The following SORCS1 variants were observed in gnomAD, a reference collection of about 807,000 sequenced individuals.
The protein encoded by SORCS1 is VPS10 domain-containing receptor SorCS1.
Under a neutral mutation model 146.1 loss-of-function variants are expected in SORCS1, and 60 were observed. The observed-to-expected ratio is 0.41, with a 90% confidence interval of 0.33 to 0.51. SORCS1 has a LOEUF of 0.51. Among genes scored for constraint, SORCS1 ranks in the 20% least tolerant of loss-of-function variants. The pLI, the probability that SORCS1 is intolerant of heterozygous loss-of-function variation, is 0.21. For synonymous variants in SORCS1, 637 were observed against 584.0 expected (o/e 1.09, Z -1.31); for missense variants, 1,352 against 1,487.6 (o/e 0.91, Z 1.50).
chr10:106,573,675 C>T lies in SORCS1; in HGVS notation c.*3745G>A, dbSNP rs1030490395. ...AACCAGTTTGGACTAATTTTTAAAT[C>T]AAAGTAATTTAATAAACAGACATTG... On this transcript the variant is annotated 3_prime_UTR_variant, in exon 26 of 26. Coordinates refer to ENST00000263054, the MANE Select transcript of SORCS1 (RefSeq NM_052918.5). 1 of 152,136 alleles carries T rather than the reference C, an allele frequency of 6.6e-6. No individual in the cohort carries two copies. The highest frequency in any genetic ancestry group is 2.4e-5 in the African/African-American group (1 of 41,436). The allele number at this position is 152,136 out of a possible 1,614,324, so 9.4% of individuals were successfully genotyped here. A position where few individuals can be genotyped will look rare whatever the true frequency, so the allele number is the denominator to read the frequency against.
chr10:106,643,506 TC>T (rs1324248530), intron 18 of SORCS1, among the ~76,000 whole-genome samples: 1 of 152,220 alleles, frequency 6.6e-6, no homozygotes, highest in African/African-American at 2.4e-5. Context: ...ACATGTGAGG[TC>T]CTCAGGGCCT....
At chr10:107,054,767 G>A (rs1047115372) in intron 1 of SORCS1, among the ~76,000 whole-genome samples, 12 of 152,192 alleles carry the variant, frequency 7.9e-5, no homozygotes, top group African/African-American at 2.9e-4. Flanking sequence ...AGTTGTCTAA[G>A]TTGTTAAATT....
intron 21 of SORCS1, among the ~76,000 whole-genome samples, chr10:106,612,414 G>A (rs1022149767): frequency 3.3e-5 from 4 of 120,268 alleles, no homozygotes; most frequent in Admixed American, 1.0e-4. Context: ...CCCCCGCAGC[G>A]TGACCGATAC....
chr10:106,671,123 A>C, intron 16 of SORCS1, 114 bp downstream of exon 16: 1 of 1,400,146 alleles, frequency 7.1e-7, no homozygotes, highest in Non-Finnish European at 9.8e-7. Context: ...TAAGAATATG[A>C]AGCTGGCCAC....
At chr10:107,020,119 T>G (rs574365867) in intron 1 of SORCS1, among the ~76,000 whole-genome samples, 1 of 152,340 alleles carries the variant, frequency 6.6e-6, no homozygotes, top group African/African-American at 2.4e-5. Context: ...TTACCTCAAA[T>G]TATCCAAGTC....
chr10:106,682,389 G>C (rs1034328241), intron 10 of SORCS1, among the ~76,000 whole-genome samples: 1 of 152,058 alleles, frequency 6.6e-6, no homozygotes, highest in African/African-American at 2.4e-5. Flanking sequence ...CTGGTATAAG[G>C]AAAATATTCT....
chr10:107,125,418 C>T (rs928546946), intron 1 of SORCS1, among the ~76,000 whole-genome samples: 1 of 152,188 alleles, frequency 6.6e-6, no homozygotes, highest in African/African-American at 2.4e-5. Flanking sequence ...CAGCTTAAAG[C>T]ATTCTGCCTG....
intron 17 of SORCS1, among the ~76,000 whole-genome samples, chr10:106,658,762 T>C (rs1850494957): frequency 1.3e-5 from 2 of 152,184 alleles, no homozygotes; most frequent in African/African-American, 4.8e-5. Context: ...ACTATAGATC[T>C]CTCACATGAA....
At chr10:106,976,905 T>C (rs555364399) in intron 1 of SORCS1, among the ~76,000 whole-genome samples, 53 of 152,340 alleles carry the variant, frequency 3.5e-4, no homozygotes, top group African/African-American at 1.3e-3. Context: ...TTCCATGGTG[T>C]ATATGTACCA....
intron 1 of SORCS1, among the ~76,000 whole-genome samples, chr10:107,162,520 A>T (rs1969785670): frequency 6.6e-6 from 1 of 152,198 alleles, no homozygotes; most frequent in Non-Finnish European, 1.5e-5. Context: ...CATTTATTTG[A>T]TCAAACCACT....
intron 1 of SORCS1, among the ~76,000 whole-genome samples, chr10:107,144,384 G>C (rs1968117516): frequency 6.6e-6 from 1 of 152,182 alleles, no homozygotes; most frequent in Admixed American, 6.5e-5. Flanking sequence ...TGAAGAATTA[G>C]TAAACAAAAC....
intron 1 of SORCS1, among the ~76,000 whole-genome samples, chr10:107,028,692 A>T (rs1223043326): frequency 6.6e-6 from 1 of 152,220 alleles, no homozygotes; most frequent in Admixed American, 6.5e-5. Flanking sequence ...TGTAGAAACC[A>T]ACCAACAATC....
At chr10:106,794,903 T>C (rs1946479036) in intron 3 of SORCS1, among the ~76,000 whole-genome samples, 1 of 152,130 alleles carries the variant, frequency 6.6e-6, no homozygotes, top group Non-Finnish European at 1.5e-5. Context: ...GGTATTTGAG[T>C]TGAGACTCCT....
Position 106,579,358 on chromosome 10 carries a change from G to C in SORCS1, c.3371+11C>G, listed in dbSNP as rs41310306. On this transcript the variant is annotated intron_variant, in intron 25 of 25. Transcript: ENST00000263054. ...TCAGGGGTGGGGGAACGTGGATAGA[G>C]GGACACGCACCTTTTAAACTTGTAG... 0.024 allele frequency: 38,921 copies of C among 1,613,976 alleles called. 575 individuals carry two copies. The highest frequency in any genetic ancestry group is 0.027 in the Non-Finnish European group (31,479 of 1,179,962).
intron 8 of SORCS1, among the ~76,000 whole-genome samples, chr10:106,700,216 C>A (rs930688299): frequency 1.3e-5 from 2 of 152,150 alleles, no homozygotes; most frequent in African/African-American, 4.8e-5. Context: ...GAGGCAGTAA[C>A]AAGTGCCCCT....
At chr10:106,592,997 C>T (rs558640203) in intron 24 of SORCS1, among the ~76,000 whole-genome samples, 3 of 151,804 alleles carry the variant, frequency 2.0e-5, no homozygotes, top group East Asian at 3.9e-4. Context: ...GAAACTTAGC[C>T]GGGCATGGTG....
At position 106,924,689 on chromosome 10, in the gene SORCS1, T is replaced by C. The variant is rs149349647; in HGVS notation, c.626+31824A>G. Among the ~76,000 whole-genome samples, 458 of 151,482 alleles carry C rather than the reference T, an allele frequency of 3.0e-3. 5 individuals carry two copies. The highest frequency in any genetic ancestry group is 8.9e-3 in the African/African-American group (368 of 41,410). ...TTACAGATGTTGGTGCTGCTGCTAG[T>C]GACAGCCCTGAGAAACAGATGAACA... On this transcript the variant is annotated intron_variant, in intron 2 of 25. Coordinates refer to ENST00000263054, the MANE Select transcript of SORCS1 (RefSeq NM_052918.5).
chr10:106,689,211 G>A (rs1234465186), intron 9 of SORCS1, among the ~76,000 whole-genome samples: 1 of 152,152 alleles, frequency 6.6e-6, no homozygotes, highest in Non-Finnish European at 1.5e-5. Context: ...TTAGTAATTT[G>A]TCAAACTATT....
At position 106,699,207 on chromosome 10, in the gene SORCS1, G is replaced by GACAT; in HGVS notation, c.1413+3_1413+6dup. ...TGGCTTAGGACCACATATGCCTCGT[G>GACAT]ACATACCTCATAGAGGTCGATCATG... On this transcript the variant is annotated splice_region_variant and intron_variant, in intron 9 of 25. Coordinates refer to ENST00000263054, the MANE Select transcript of SORCS1 (RefSeq NM_052918.5). 1.9e-6 allele frequency: 3 copies of GACAT among 1,606,328 alleles called. No homozygotes were observed. Among genetic ancestry groups the GACAT allele is most frequent in the Non-Finnish European group, 2.6e-6 (3 of 1,176,158 alleles).
Sources: gnomAD v4.1 joint callset for allele counts (sites outside exome capture counted in the v4.1 genomes callset) on GRCh38, gnomAD v4.1.1 for gene constraint, MANE v1.5 for transcripts, NCBI Gene and HGNC (gene_info 2026-07-23, HGNC 2026-07-21) for gene names.